The following GFOD1 variants were observed in gnomAD, a reference collection of about 807,000 sequenced individuals.
GFOD1 encodes the protein glucose-fructose oxidoreductase domain-containing protein 1.
In GFOD1, 9 loss-of-function variants were observed where a neutral mutation model predicts 25.4. The ratio of observed to expected loss-of-function variants is 0.35; its 90% CI spans 0.21 to 0.62. The LOEUF (loss-of-function observed/expected upper bound fraction) is 0.62. Ranked by LOEUF, GFOD1 falls within the 20% of genes least tolerant of loss-of-function variation. The pLI, the probability that GFOD1 is intolerant of heterozygous loss-of-function variation, is 0.72. For missense variants in GFOD1, 403 were observed against 556.9 expected (o/e 0.72, Z 2.78); for synonymous variants, 253 against 245.6 (o/e 1.03, Z -0.28).
intron 1 of GFOD1, among the ~76,000 whole-genome samples, chr6:13,410,585 AG>A (rs1786055998): frequency 3.3e-5 from 1 of 30,184 alleles, no homozygotes; most frequent in African/African-American, 4.8e-5. Flanking sequence ...AAGGAGAGAG[AG>A]AGAGAGAGAG....
chr6:13,416,314 C>T (rs1241826399), intron 1 of GFOD1, among the ~76,000 whole-genome samples: 2 of 152,034 alleles, frequency 1.3e-5, no homozygotes, highest in Admixed American at 1.3e-4. Context: ...TGAAAATGGA[C>T]TAATACAGGG....
intron 1 of GFOD1, among the ~76,000 whole-genome samples, chr6:13,452,857 G>A (rs492676): frequency 0.34 from 52,020 of 152,078 alleles, 10,556 homozygotes; most frequent in East Asian, 0.53. Context: ...GGAGCACACC[G>A]TCTGACTCCT....
intron 1 of GFOD1, among the ~76,000 whole-genome samples, chr6:13,477,662 T>C (rs1185436922): frequency 6.6e-6 from 1 of 152,156 alleles, no homozygotes; most frequent in African/African-American, 2.4e-5. Context: ...TAATAATAAC[T>C]AGGTTGGTAT....
chr6:13,410,825 AG>A (rs546582926), intron 1 of GFOD1, among the ~76,000 whole-genome samples: 130 of 151,044 alleles, frequency 8.6e-4, no homozygotes, highest in Non-Finnish European at 1.4e-3. Context: ...AGGAAGAAGG[AG>A]GGTAGAGGAG....
At chr6:13,420,139 T>C (rs1786229390) in intron 1 of GFOD1, among the ~76,000 whole-genome samples, 1 of 152,168 alleles carries the variant, frequency 6.6e-6, no homozygotes, top group African/African-American at 2.4e-5. Flanking sequence ...GATCCGTGCC[T>C]TTGAATGAGG....
At chr6:13,439,053 T>C (rs1345030) in intron 1 of GFOD1, among the ~76,000 whole-genome samples, 1 of 151,736 alleles carries the variant, frequency 6.6e-6, no homozygotes, top group Non-Finnish European at 1.5e-5. Flanking sequence ...GAAACATCCA[T>C]CTCTGCAATC....
chr6:13,370,489 A>G (rs188254209), intron 1 of GFOD1, among the ~76,000 whole-genome samples: 52 of 152,234 alleles, frequency 3.4e-4, no homozygotes, highest in Admixed American at 1.1e-3. Flanking sequence ...ACGAATTGCT[A>G]AGCAAAGTTT....
intron 1 of GFOD1, among the ~76,000 whole-genome samples, chr6:13,402,812 C>A (rs894501945): frequency 6.6e-6 from 1 of 152,172 alleles, no homozygotes; most frequent in Non-Finnish European, 1.5e-5. Context: ...TATGACCCAG[C>A]AATTCCAATC....
At position 13,465,622 on chromosome 6, in the gene GFOD1, G is replaced by A. The variant is rs140660912; in HGVS notation, c.253+21016C>T. Among the ~76,000 whole-genome samples the A allele has an allele frequency of 2.9e-3, 443 of 152,258 alleles. 1 individual carries two copies. Among genetic ancestry groups the A allele is most frequent in the African/African-American group, 9.8e-3 (409 of 41,534 alleles). On this transcript the variant is annotated intron_variant, in intron 1 of 1. Coordinates refer to ENST00000379287, the MANE Select transcript of GFOD1 (RefSeq NM_018988.4). ...CGCTGATGTAACCGGTCTGGGGTGC[G>A]GCCTGGGCTTCAGGATGTTTGACAC...
At chr6:13,377,942 T>C (rs1482362276) in intron 1 of GFOD1, among the ~76,000 whole-genome samples, 3 of 152,184 alleles carry the variant, frequency 2.0e-5, no homozygotes, top group Non-Finnish European at 2.9e-5. Flanking sequence ...TTGTTATCAA[T>C]GAGATTGTGT....
At chr6:13,481,558 TACACACACACACACACACAC>T (rs55888360) in intron 1 of GFOD1, among the ~76,000 whole-genome samples, 3 of 150,676 alleles carry the variant, frequency 2.0e-5, no homozygotes, top group Non-Finnish European at 3.0e-5. Context: ...AGTGATACCT[TACACACACACACACACACAC>T]ACACACACAC....
At chr6:13,410,514 C>T (rs1013164864) in intron 1 of GFOD1, among the ~76,000 whole-genome samples, 1 of 148,386 alleles carries the variant, frequency 6.7e-6, no homozygotes, top group Non-Finnish European at 1.5e-5. Context: ...TTGCAGTGAG[C>T]TTAGATAGCA....
chr6:13,437,394 A>G (rs1171539366), intron 1 of GFOD1, among the ~76,000 whole-genome samples: 1 of 152,188 alleles, frequency 6.6e-6, no homozygotes, highest in Non-Finnish European at 1.5e-5. Flanking sequence ...CATGCAGCCA[A>G]TAGAACTTTC....
At chr6:13,454,040 A>G (rs184390452) in intron 1 of GFOD1, among the ~76,000 whole-genome samples, 6 of 152,214 alleles carry the variant, frequency 3.9e-5, no homozygotes, top group African/African-American at 1.2e-4. Context: ...CCCTAATCCA[A>G]TATGACTGGT....
chr6:13,415,630 G>A (rs1786150962), intron 1 of GFOD1, among the ~76,000 whole-genome samples: 1 of 152,212 alleles, frequency 6.6e-6, no homozygotes, highest in Non-Finnish European at 1.5e-5. Context: ...AGGGCATCCA[G>A]TGACAGCAGA....
intron 1 of GFOD1, among the ~76,000 whole-genome samples, chr6:13,403,764 C>T (rs1413266165): frequency 6.6e-6 from 1 of 152,142 alleles, no homozygotes; most frequent in Non-Finnish European, 1.5e-5. Context: ...TGAAAGAAGT[C>T]TCAGAAGAGA....
At position 13,365,878 on chromosome 6, in the gene GFOD1, CAATAAT is replaced by C. The variant is rs58256557; in HGVS notation, c.254-222_254-217del. Among the ~76,000 whole-genome samples the C allele has an allele frequency of 0.31, 41,272 of 133,664 alleles. 7,591 individuals are homozygous for C. The highest frequency in any genetic ancestry group is 0.57 in the East Asian group (2,542 of 4,436). 87.7% of individuals were successfully genotyped at this position (133,664 alleles called of 152,430 possible). On this transcript the variant is annotated intron_variant, in intron 1 of 1. Transcript: ENST00000379287. The surrounding 1 kb of genome is among the most constrained non-coding windows in gnomAD (Gnocchi z 9.2). ...TGGGTAACACAGAGAGATCCTGTCTCAATAATAATAATAATAATAATAATAATAATA... is the reference window on the plus strand; with the variant it reads ...TGGGTAACACAGAGAGATCCTGTCTCAATAATAATAATAATAATAATAATA...
At chr6:13,370,188 A>C (rs887170218) in intron 1 of GFOD1, among the ~76,000 whole-genome samples, 2 of 152,202 alleles carry the variant, frequency 1.3e-5, no homozygotes, top group Non-Finnish European at 2.9e-5. Context: ...GAATCTTGAA[A>C]GCTTCAGAAG....
At chr6:13,378,608 C>A (rs1354095153) in intron 1 of GFOD1, among the ~76,000 whole-genome samples, 1 of 152,160 alleles carries the variant, frequency 6.6e-6, no homozygotes, top group African/African-American at 2.4e-5. Flanking sequence ...GGGGTTCCTA[C>A]AGGATTCCCA....
Sources: allele counts gnomAD v4.1 joint callset (sites outside exome capture counted in the v4.1 genomes callset), GRCh38; gene constraint gnomAD v4.1.1; non-coding constraint Gnocchi (gnomAD v3.1); transcripts MANE v1.5; gene names NCBI Gene and HGNC (gene_info 2026-07-23, HGNC 2026-07-21).